Variants in STK26 observed in about 807,000 individuals in gnomAD.
The protein encoded by STK26 is serine/threonine-protein kinase 26.
STK26 carries 14 observed loss-of-function variants against 34.7 expected under a neutral mutation model. The ratio of observed to expected loss-of-function variants is 0.40; its 90% CI spans 0.27 to 0.63. The LOEUF is 0.63. Ranked by LOEUF, STK26 falls within the 30% of genes least tolerant of loss-of-function variation. The pLI, the probability that STK26 is intolerant of heterozygous loss-of-function variation, is 0.38. For synonymous variants in STK26, 100 were observed against 109.8 expected, an observed-to-expected ratio of 0.91 and a Z score of 0.56; for missense variants, 226 against 309.1, an observed-to-expected ratio of 0.73 and a Z score of 2.02.
intron 3 of STK26, chrX:132,055,427 A>T: frequency 8.9e-7 from 1 of 1,129,359 alleles, no homozygotes; most frequent in Non-Finnish European, 1.2e-6. Context: ...TCCCCCTCCA[A>T]ATAAAAGTTG....
At chrX:132,037,194 G>A (rs1302754882) in intron 2 of STK26, among the ~76,000 whole-genome samples, 4 of 112,016 alleles carry the variant, frequency 3.6e-5, no homozygotes, top group Non-Finnish European at 7.5e-5. Context: ...AAAAACCTGT[G>A]AGTATGTACC....
At position 132,061,100 on chromosome X, in the gene STK26, A is replaced by G. The variant is rs779373899; in HGVS notation, c.274-2333A>G. The stretch of plus-strand genomic sequence containing the variant: ...TGAATTAGTACAAACAAAAAGGCAC[A>G]CATTGTTTTTAACTTGGAAAACAGG... On this transcript the variant is annotated intron_variant, in intron 3 of 11. Transcript: ENST00000394334. Among the ~76,000 whole-genome samples the G allele has an allele frequency of 6.2e-5, 7 of 112,395 alleles. No homozygotes were observed. In the South Asian group the frequency reaches 2.5e-3, roughly 41 times the overall value.
Position 132,067,750 on chromosome X carries a change from T to C in STK26, c.331-465T>C, listed in dbSNP as rs754067999. 2.7e-5 allele frequency among the ~76,000 whole-genome samples: 3 copies of C among 112,047 alleles called. No homozygotes were observed. In the East Asian group the frequency reaches 8.4e-4, roughly 31 times the overall value. ...ATAAATGCTGACTGATATGATCAAATAGTTGCTGTGGAAATCTTATGGATT... is the reference window on the plus strand; with the variant it reads ...ATAAATGCTGACTGATATGATCAAACAGTTGCTGTGGAAATCTTATGGATT... On this transcript the variant is annotated intron_variant, in intron 4 of 11. Coordinates refer to ENST00000394334, the MANE Select transcript of STK26 (RefSeq NM_016542.4).
In STK26 at chrX:132,040,454, A is replaced by C. The variant is rs899967255; in HGVS notation, c.43-14177A>C. Among the ~76,000 whole-genome samples the C allele has an allele frequency of 2.7e-5, 3 of 112,289 alleles. No individual in the cohort carries two copies. In the Admixed American group the frequency reaches 2.8e-4, roughly 11 times the overall value. On this transcript the variant is annotated intron_variant, in intron 2 of 11. Coordinates refer to ENST00000394334, the MANE Select transcript of STK26 (RefSeq NM_016542.4). ...GTTTCTGTTTGCTTTTTAGAGATAC[A>C]CTTTAACCATGGAATTACATAGAAT...
At chrX:132,074,059 T>C in intron 11 of STK26, 76 bp from the exon 12 acceptor site, 12 of 927,519 alleles carry the variant, frequency 1.3e-5, no homozygotes, top group Non-Finnish European at 1.5e-5. Flanking sequence ...AGTTTCTTCA[T>C]TGCAGAGTTC....
intron 2 of STK26, among the ~76,000 whole-genome samples, chrX:132,054,375 A>G (rs1250967339): frequency 3.6e-5 from 4 of 112,055 alleles, no homozygotes; most frequent in Non-Finnish European, 7.5e-5. Flanking sequence ...CATGCACTGG[A>G]TATATTTGCT....
intron 2 of STK26, among the ~76,000 whole-genome samples, chrX:132,043,582 C>T (rs1412839829): frequency 9.0e-6 from 1 of 111,493 alleles, no homozygotes; most frequent in Non-Finnish European, 1.9e-5. Context: ...AACATTAATG[C>T]TCCTGGTTAA....
intron 2 of STK26, among the ~76,000 whole-genome samples, chrX:132,028,056 A>G (rs1172710729): frequency 1.2e-5 from 1 of 83,255 alleles, no homozygotes; most frequent in African/African-American, 4.4e-5. Flanking sequence ...TTTTGGAGAC[A>G]ATGTTTAGTG....
chrX:132,063,852 C>G (rs1482738258), intron 4 of STK26, among the ~76,000 whole-genome samples: 2 of 111,855 alleles, frequency 1.8e-5, no homozygotes, highest in Non-Finnish European at 3.8e-5. Flanking sequence ...AGATAACTGT[C>G]ACTAAAAGTG....
At chrX:132,041,852 A>G (rs1926278749) in intron 2 of STK26, among the ~76,000 whole-genome samples, 1 of 111,606 alleles carries the variant, frequency 9.0e-6, no homozygotes, top group African/African-American at 3.3e-5. Flanking sequence ...TTCTAAATAG[A>G]CAAGGACTAT....
intron 2 of STK26, among the ~76,000 whole-genome samples, chrX:132,024,043 C>T (rs187601423): frequency 4.9e-4 from 54 of 111,183 alleles, no homozygotes; most frequent in Admixed American, 4.4e-3. Context: ...GTAGTGAGTG[C>T]CCTACACCCC....
chrX:132,058,571 T>G (rs1926940804), intron 3 of STK26, among the ~76,000 whole-genome samples: 1 of 111,259 alleles, frequency 9.0e-6, no homozygotes, highest in African/African-American at 3.3e-5. Flanking sequence ...TTCCTAAGAT[T>G]TCATATAGAG....
chrX:132,064,286 G>C (rs1927151672), intron 4 of STK26, among the ~76,000 whole-genome samples: 1 of 111,887 alleles, frequency 8.9e-6, no homozygotes, highest in African/African-American at 3.3e-5. Context: ...AGTTCTCTCT[G>C]CCCCTCTATA....
At position 132,025,424 on chromosome X, in the gene STK26, G is replaced by T. The variant is rs755496043; in HGVS notation, c.42+1765G>T. On this transcript the variant is annotated intron_variant, in intron 2 of 11. Transcript: ENST00000394334. ...AACTTATTGAATTTATATGGTTTAG[G>T]AACTGCTTGCTGTTCAGTATTTCTG... Among the ~76,000 whole-genome samples the T allele has an allele frequency of 9.0e-5, 10 of 111,677 alleles. No homozygotes were observed. In the South Asian group the frequency reaches 3.7e-3, roughly 42 times the overall value.
chrX:132,029,665 C>G (rs765906231), intron 2 of STK26, among the ~76,000 whole-genome samples: 1 of 111,232 alleles, frequency 9.0e-6, no homozygotes, highest in East Asian at 2.8e-4. Context: ...AACAAGAAAT[C>G]CCTTTAATTC....
intron 4 of STK26, among the ~76,000 whole-genome samples, chrX:132,063,941 G>A (rs1001477336): frequency 8.1e-5 from 9 of 111,625 alleles, no homozygotes; most frequent in Admixed American, 1.9e-4. Flanking sequence ...GGTATTAGGC[G>A]GTGGGGACCT....
chrX:132,051,606 T>C (rs1216815558), intron 2 of STK26, among the ~76,000 whole-genome samples: 1 of 111,644 alleles, frequency 9.0e-6, no homozygotes, highest in African/African-American at 3.3e-5. Context: ...CAGTATTTTT[T>C]TATTATTATA....
chrX:132,033,216 A>C (rs906214784), intron 2 of STK26, among the ~76,000 whole-genome samples: 1 of 110,937 alleles, frequency 9.0e-6, no homozygotes, highest in African/African-American at 3.3e-5. Context: ...TAAAGTCAGA[A>C]TTTCTTCCCA....
At chrX:132,051,172 T>G (rs150358499) in intron 2 of STK26, among the ~76,000 whole-genome samples, 103 of 112,212 alleles carry the variant, frequency 9.2e-4, no homozygotes, top group African/African-American at 3.1e-3. Context: ...AGCAAGATGT[T>G]CACCTAACAT....
Sources: gnomAD v4.1 joint callset for allele counts (sites outside exome capture counted in the v4.1 genomes callset) on GRCh38, gnomAD v4.1.1 for gene constraint, MANE v1.5 for transcripts, NCBI Gene and HGNC (gene_info 2026-07-23, HGNC 2026-07-21) for gene names.